SH3RF2: variants seen among roughly 807,000 people sequenced by gnomAD.
SH3RF2 encodes the protein SH3 domain containing ring finger 2.
In SH3RF2, 43 loss-of-function variants were observed where a neutral mutation model predicts 59.0. That is an observed-to-expected ratio of 0.73 (90% confidence interval 0.57 to 0.94). The LOEUF (loss-of-function observed/expected upper bound fraction) is 0.94. Among genes scored for constraint, SH3RF2 ranks in the 40% least tolerant of loss-of-function variants. The probability of loss-of-function intolerance (pLI) is 0.00; values close to 1 mark genes in which losing one functional copy is unlikely to be tolerated. For missense variants in SH3RF2, 930 were observed against 940.1 expected (o/e 0.99, Z 0.14); for synonymous variants, 391 against 391.5 (o/e 1.00, Z 0.01).
intron 7 of SH3RF2, 160 bp from the exon 8 acceptor site, chr5:146,055,821 A>G: frequency 1.3e-6 from 1 of 787,246 alleles, no homozygotes; most frequent in Admixed American, 2.6e-5. Flanking sequence ...ACTTTAGTTA[A>G]GCCTGTAGTT....
chr5:146,061,641 G>A (rs960499669), intron 9 of SH3RF2, among the ~76,000 whole-genome samples: 9 of 152,172 alleles, frequency 5.9e-5, no homozygotes, highest in Non-Finnish European at 1.2e-4. Context: ...ACTGGCTAAA[G>A]CAAATACTGT....
At chr5:146,050,378 A>G (rs918523063) in intron 7 of SH3RF2, among the ~76,000 whole-genome samples, 1 of 152,186 alleles carries the variant, frequency 6.6e-6, no homozygotes, top group African/African-American at 2.4e-5. Flanking sequence ...CAACCAGGCT[A>G]GCTGGTGAGG....
intron 5 of SH3RF2, among the ~76,000 whole-genome samples, chr5:146,037,837 G>GGATA (rs1261087440): frequency 6.6e-6 from 1 of 152,120 alleles, no homozygotes. Context: ...CATAAGATTA[G>GGATA]GATAGCCTTA....
intron 9 of SH3RF2, among the ~76,000 whole-genome samples, chr5:146,074,954 A>G (rs1763313102): frequency 6.6e-6 from 1 of 152,238 alleles, no homozygotes; most frequent in Non-Finnish European, 1.5e-5. Context: ...TTTCTCATCT[A>G]TATAAAGGGA....
intron 2 of SH3RF2, among the ~76,000 whole-genome samples, chr5:145,967,678 A>C (rs919336031): frequency 2.6e-5 from 4 of 151,912 alleles, no homozygotes; most frequent in Non-Finnish European, 5.9e-5. Flanking sequence ...TTTTTTTCTG[A>C]GACAGAGTCT....
chr5:145,946,594 C>G (rs1561703698), intron 2 of SH3RF2, among the ~76,000 whole-genome samples: 2 of 152,070 alleles, frequency 1.3e-5, no homozygotes, highest in Non-Finnish European at 2.9e-5. Flanking sequence ...TATTAAATAC[C>G]TTTTTGGGTG....
At chr5:146,064,706 GAAAGAAAGAAAGAAAGAAAGA>G (rs1763024720), downstream of SH3RF2, among the ~76,000 whole-genome samples, 3 of 18,600 alleles carry the variant, frequency 1.6e-4, no homozygotes, top group African/African-American at 5.0e-4. Context: ...AAGAAAGAAA[GAAAGAAAGAAAGAAAGAAAGA>G]AAGGAAGGAA....
At chr5:146,024,606 A>G (rs1761460594) in intron 5 of SH3RF2, among the ~76,000 whole-genome samples, 1 of 152,116 alleles carries the variant, frequency 6.6e-6, no homozygotes, top group Non-Finnish European at 1.5e-5. Flanking sequence ...TTTTGTTGTC[A>G]TATCTAAAAA....
chr5:146,050,626 A>AT (rs1215763838), intron 7 of SH3RF2, among the ~76,000 whole-genome samples: 1 of 152,252 alleles, frequency 6.6e-6, no homozygotes, highest in Non-Finnish European at 1.5e-5. Context: ...TGCTAACTAC[A>AT]TGGCAGGAAC....
intron 2 of SH3RF2, among the ~76,000 whole-genome samples, chr5:145,995,168 T>C (rs1407756787): frequency 1.3e-5 from 2 of 152,140 alleles, no homozygotes; most frequent in Non-Finnish European, 2.9e-5. Context: ...AGATGGCAGC[T>C]AGAGCTCTAG....
intron 5 of SH3RF2, among the ~76,000 whole-genome samples, chr5:146,023,931 T>C (rs1304000349): frequency 6.6e-6 from 1 of 152,230 alleles, no homozygotes; most frequent in Non-Finnish European, 1.5e-5. Flanking sequence ...TTGCGGTATG[T>C]ATTAGTACTC....
At chr5:146,064,431 C>CA (rs1423246655), downstream of SH3RF2, among the ~76,000 whole-genome samples, 1 of 151,836 alleles carries the variant, frequency 6.6e-6, no homozygotes, top group East Asian at 1.9e-4. Context: ...TGCTGTGAGA[C>CA]AACCCATTAA....
chr5:145,991,994 T>C (rs1759952272), intron 2 of SH3RF2, among the ~76,000 whole-genome samples: 1 of 152,192 alleles, frequency 6.6e-6, no homozygotes, highest in Admixed American at 6.5e-5. Context: ...CAGGAGATTC[T>C]GATCAAATCA....
rs779034032 is a variant in SH3RF2 at position 146,062,529 on chromosome 5, C to T, written c.2018C>T (p.Ala673Val). The T allele has an allele frequency of 2.5e-5, 40 of 1,614,186 alleles. No individual in the cohort carries two copies. The highest frequency in any genetic ancestry group is 2.3e-4 in the Admixed American group (14 of 60,032). The change falls in exon 10 of 10, where the codon GCG (alanine) becomes GTG (valine). Residue 673 changes from alanine to valine, a missense_variant. Physicochemically the swap from Ala to Val is moderately conservative, Grantham distance 64 (BLOSUM62 0). Transcript: ENST00000359120. Reference sequence around the variant, plus strand: ...CCTGAACAGCCAGCCACCCTCAAGGCGTCCCAGCCTGAAGCAGCGTCCTTG... The same window carrying T: ...CCTGAACAGCCAGCCACCCTCAAGGTGTCCCAGCCTGAAGCAGCGTCCTTG... The part of the protein sequence containing the change: ...GKPEQPATLK[A>V]SQPEAASLGP...
chr5:145,979,012 A>G (rs556161313), intron 2 of SH3RF2, among the ~76,000 whole-genome samples: 1 of 152,326 alleles, frequency 6.6e-6, no homozygotes, highest in Non-Finnish European at 1.5e-5. Context: ...ATATCCTACC[A>G]AATGGTCACC....
chr5:146,039,387 C>G (rs1762050424), intron 5 of SH3RF2, among the ~76,000 whole-genome samples: 1 of 151,906 alleles, frequency 6.6e-6, no homozygotes, highest in African/African-American at 2.4e-5. Context: ...TATTAGAACT[C>G]CATAATTTAA....
At position 146,006,430 on chromosome 5, in the gene SH3RF2, A is replaced by AG. The variant is rs1396944299; in HGVS notation, c.744+2277_744+2278insG. On this transcript the variant is annotated intron_variant, in intron 4 of 9. Transcript: ENST00000359120. ...AGCAAGACCCTATCTCAAAAAAGAAAAAAAAGACTGAAGTAGTGGAAACTA... is the reference window on the plus strand; with the variant it reads ...AGCAAGACCCTATCTCAAAAAAGAAAGAAAAAGACTGAAGTAGTGGAAACTA... Among the ~76,000 whole-genome samples the AG allele has an allele frequency of 9.8e-5, 15 of 152,306 alleles. 3 individuals are homozygous for AG. Among genetic ancestry groups the AG allele is most frequent in the African/African-American group, 3.6e-4 (15 of 41,554 alleles).
chr5:146,055,931 C>A, intron 7 of SH3RF2, 50 bp from the exon 8 acceptor site: 1 of 1,583,682 alleles, frequency 6.3e-7, no homozygotes. Context: ...CTTGACTGAA[C>A]ATTTTCTTTC....
Position 146,050,339 on chromosome 5 carries a change from G to A in SH3RF2, c.1322+1094G>A, listed in dbSNP as rs1762452896. Among the ~76,000 whole-genome samples, 4 of 152,298 alleles carry A rather than the reference G, an allele frequency of 2.6e-5. No individual in the cohort carries two copies. In the South Asian group the frequency reaches 8.3e-4, roughly 32 times the overall value. On this transcript the variant is annotated intron_variant, in intron 7 of 9. Coordinates refer to ENST00000359120, the MANE Select transcript of SH3RF2 (RefSeq NM_152550.4). ...TCAAGAACATCTTGGTTCAATAAAA[G>A]GCAGCTTTTTCTAGCCCATAGATTT... is the stretch of plus-strand genomic sequence containing the variant.
Sources: allele counts gnomAD v4.1 joint callset (sites outside exome capture counted in the v4.1 genomes callset), GRCh38; gene constraint gnomAD v4.1.1; transcripts MANE v1.5; gene names NCBI Gene and HGNC (gene_info 2026-07-23, HGNC 2026-07-21).